PPP1R35: variants seen among roughly 807,000 people sequenced by gnomAD.
PPP1R35 encodes protein phosphatase 1 regulatory subunit 35.
Under a neutral mutation model 22.2 loss-of-function variants are expected in PPP1R35, and 23 were observed. The observed-to-expected ratio is 1.04, with a 90% CI of 0.75 to 1.47. The LOEUF is 1.47. Among genes scored for constraint, PPP1R35 ranks in the 40% most tolerant of loss-of-function variants. The pLI is 0.00. For missense variants in PPP1R35, 409 were observed against 349.6 expected, an observed-to-expected ratio of 1.17 and a Z score of -1.36; for synonymous variants, 198 against 165.7, an observed-to-expected ratio of 1.19 and a Z score of -1.50.
chr7:100,435,427 TGAAGTC>T lies in PPP1R35; in HGVS notation c.689_694del (p.Arg230_Leu231del), dbSNP rs776667885. On this transcript the variant is annotated inframe_deletion, in exon 4 of 4. Transcript: ENST00000292330. ...GTCCTCTGAAGGGCGGGGCCGGAGT[TGAAGTC>T]GGAGAGGGGGCAGACCGTCCAGGGT... 9 of 1,612,310 alleles carry T rather than the reference TGAAGTC, an allele frequency of 5.6e-6. No homozygotes were observed. Among genetic ancestry groups the T allele is most frequent in the South Asian group, 3.3e-5 (3 of 90,986 alleles).
Position 100,435,877 on chromosome 7 carries a change from C to G in PPP1R35, c.422G>C (p.Arg141Pro), listed in dbSNP as rs762880574. The G allele has an allele frequency of 1.2e-4, 194 of 1,597,266 alleles. No homozygotes were observed. Among genetic ancestry groups the G allele is most frequent in the Non-Finnish European group, 1.6e-4 (188 of 1,176,630 alleles). The change falls in exon 2 of 4, where the codon CGC becomes CCC. Residue 141 changes from arginine (R) to proline (P), a missense_variant. By Grantham distance (103) the Arg-to-Pro change is moderately radical. Transcript: ENST00000292330. Reference sequence around the variant, plus strand: ...GGACACGCTCTCCTCCAGGCCGCAGCGGATCTGGAACGACTTTCTCAGCTG... The same window carrying G: ...GGACACGCTCTCCTCCAGGCCGCAGGGGATCTGGAACGACTTTCTCAGCTG... The part of the protein sequence containing the change: ...EEQLRKSFQI[R>P]CGLEESVSEG...
chr7:100,436,105 G>A (rs1321759102), intron 1 of PPP1R35, 36 bp downstream of exon 1: 3 of 1,430,510 alleles, frequency 2.1e-6, no homozygotes, highest in Admixed American at 2.7e-5. Context: ...TGGGCGCGAG[G>A]CCGTCGCGGG....
In PPP1R35 at chr7:100,436,410, G is replaced by C. The variant is rs1290981434; in HGVS notation, c.-36C>G. 1.4e-6 allele frequency: 2 copies of C among 1,444,774 alleles called. No individual in the cohort carries two copies. The highest frequency in any genetic ancestry group is 2.9e-5 in the African/African-American group (2 of 68,240). The allele number at this position is 1,444,774 out of a possible 1,614,324, so 89.5% of individuals were successfully genotyped here. On this transcript the variant is annotated 5_prime_UTR_variant, in exon 1 of 4. Coordinates refer to ENST00000292330, the MANE Select transcript of PPP1R35 (RefSeq NM_145030.4). ...GCCTTGAGGGTGCGGGGATGCGGGG[G>C]TCGCAGACGCTCCAACGGTCAGGGG...
chr7:100,435,975 G>A lies in PPP1R35; in HGVS notation c.324C>T (p.Ser108=). ...PQELEMPVLK[S]SLALGLELRA... is the part of the protein sequence containing the mutation. ...GCAGCTCCAGGCCCAAGGCCAGGCTGCTCTTCAGCACGGGCATCTCCAGCT... is the reference window on the plus strand; with the variant it reads ...GCAGCTCCAGGCCCAAGGCCAGGCTACTCTTCAGCACGGGCATCTCCAGCT... The change falls in exon 2 of 4, where the codon AGC becomes AGT. Residue 108 remains serine, a synonymous_variant. Coordinates refer to ENST00000292330, the MANE Select transcript of PPP1R35 (RefSeq NM_145030.4). 4 of 1,574,906 alleles carry A rather than the reference G, an allele frequency of 2.5e-6. No individual in the cohort carries two copies. Among genetic ancestry groups the A allele is most frequent in the African/African-American group, 1.3e-5 (1 of 74,458 alleles).
In PPP1R35 at chr7:100,435,673, T is replaced by C. The variant is rs766840122; in HGVS notation, c.546A>G (p.Lys182=). 10 of 1,610,864 alleles carry C rather than the reference T, an allele frequency of 6.2e-6. No individual in the cohort carries two copies. Among genetic ancestry groups the C allele is most frequent in the East Asian group, 4.5e-5 (2 of 44,802 alleles). The change falls in exon 3 of 4, where the codon AAA becomes AAG. Residue 182 remains lysine, a synonymous_variant. Transcript: ENST00000292330. ...EQVLNAALRE[K]LALLPPQARA... is the part of the protein sequence containing the mutation. ...GAGCCTGTGGCGGCAGGAGAGCCAA[T>C]TTCTCCCTGAGCGCGGCATTCAGAA... is the stretch of plus-strand genomic sequence containing the variant.
rs531420542 is a variant in PPP1R35 at position 100,435,862 on chromosome 7, T to C, written c.437A>G (p.Glu146Gly). Residue 146 changes from glutamate (E) to glycine (G), a missense_variant, in exon 2 of 4, where the codon GAG (glutamate) becomes GGG (glycine). Transcript: ENST00000292330. ...GCCCCCCTCACCCTCGGACACGCTC[T>C]CCTCCAGGCCGCAGCGGATCTGGAA... ...KSFQIRCGLE[E>G]SVSEGLNVPR... is the part of the protein sequence containing the mutation. The C allele has an allele frequency of 6.3e-6, 10 of 1,592,856 alleles. No homozygotes were observed. The South Asian group carries it at 9.0e-5, about 14-fold the overall frequency.
At chr7:100,435,605 G>A in intron 3 of PPP1R35, 26 bp downstream of exon 3, 1 of 1,613,906 alleles carries the variant, frequency 6.2e-7, no homozygotes, top group Non-Finnish European at 8.5e-7. Context: ...GTACATGGAG[G>A]AAGCCCCACG....
Position 100,436,241 on chromosome 7 carries a change from C to T in PPP1R35, c.134G>A (p.Ser45Asn). 1 of 1,300,034 alleles carries T rather than the reference C, an allele frequency of 7.7e-7. No individual in the cohort carries two copies. Among genetic ancestry groups the T allele is most frequent in the Non-Finnish European group, 9.8e-7 (1 of 1,020,462 alleles). 80.5% of individuals were successfully genotyped at this position (1,300,034 alleles called of 1,614,324 possible). A position where few individuals can be genotyped will look rare whatever the true frequency, so the allele number is the denominator to read the frequency against. Residue 45 changes from serine to asparagine, a missense_variant, in exon 1 of 4, where the codon AGC (serine) becomes AAC (asparagine). Ser to Asn is a conservative substitution (Grantham distance 46). Transcript: ENST00000292330. ...APVPEPGLDLSLSPRPDSPQP... is the reference protein window; with the variant it reads ...APVPEPGLDLNLSPRPDSPQP... The stretch of plus-strand genomic sequence containing the variant: ...AGGGCTGTCGGGCCGCGGGCTCAGG[C>T]TCAAGTCCAGGCCGGGCTCGGGCAC...
In PPP1R35 at chr7:100,435,734, CG is replaced by C. The variant is rs756499983; in HGVS notation, c.484del (p.Arg162GlyfsTer4). On this transcript the variant is annotated frameshift_variant, in exon 3 of 4. Coordinates refer to ENST00000292330, the MANE Select transcript of PPP1R35 (RefSeq NM_145030.4). LOFTEE classifies it high-confidence loss of function. ...LNVPRSKRLFRDLVSLQVPEE... is the reference protein window; with the variant it reads ...LNVPRSKRLFXDLVSLQVPEE... ...CGGCACCTGCAGGCTCACCAGGTCC[CG>C]GAAGAGCCGCTTGGAGCGCGGCACG... 28 of 1,601,770 alleles carry C rather than the reference CG, an allele frequency of 1.7e-5. No individual in the cohort carries two copies. Among genetic ancestry groups the C allele is most frequent in the Non-Finnish European group, 2.2e-5 (26 of 1,177,136 alleles).
rs780973260 is a variant in PPP1R35, at chr7:100,435,847, C to T, written c.451+1G>A. On this transcript the variant is annotated splice_donor_variant, in intron 2 of 3. Coordinates refer to ENST00000292330, the MANE Select transcript of PPP1R35 (RefSeq NM_145030.4). LOFTEE classifies it high-confidence loss of function. ...CGCGGCCGGCCGCCCGCCCCCCTCA[C>T]CCTCGGACACGCTCTCCTCCAGGCC... 1 of 1,588,174 alleles carries T rather than the reference C, an allele frequency of 6.3e-7. No homozygotes were observed. Among genetic ancestry groups the T allele is most frequent in the Middle Eastern group, 1.8e-4 (1 of 5,648 alleles).
Position 100,435,309 on chromosome 7 carries a change from CAAAT to C in PPP1R35, c.*47_*50del, listed in dbSNP as rs774287547. On this transcript the variant is annotated 3_prime_UTR_variant, in exon 4 of 4. Transcript: ENST00000292330. The stretch of plus-strand genomic sequence containing the variant: ...TATTAGCAAAATTACTTTATTCTAA[CAAAT>C]AGTTTAACACAAAAATACGAACTAG... 5.2e-6 allele frequency: 8 copies of C among 1,535,634 alleles called. No homozygotes were observed. Among genetic ancestry groups the C allele is most frequent in the African/African-American group, 1.4e-5 (1 of 71,698 alleles).
Position 100,435,474 on chromosome 7 carries a change from A to T in PPP1R35, c.648T>A (p.Tyr216Ter). 6.2e-7 allele frequency: 1 copy of T among 1,613,994 alleles called. No individual in the cohort carries two copies. Among genetic ancestry groups the T allele is most frequent in the Non-Finnish European group, 8.5e-7 (1 of 1,180,002 alleles). The change falls in exon 4 of 4, where the codon TAT (tyrosine) becomes TAA (stop). Residue 216 changes from tyrosine to a stop codon, truncating the protein, a stop_gained. Coordinates refer to ENST00000292330, the MANE Select transcript of PPP1R35 (RefSeq NM_145030.4). LOFTEE classifies it high-confidence loss of function. The stretch of plus-strand genomic sequence containing the variant: ...CGTCCAGGGTCAGGTGTGGAGATTC[A>T]TAAAATAGCGTTTCTGGGTCACACA... ...TILCDPETLFYESPHLTLDGL... is the reference protein window; with the variant it reads ...TILCDPETLF
Position 100,436,416 on chromosome 7 carries a change from G to A in PPP1R35, c.-42C>T, listed in dbSNP as rs920770877. 7 of 1,428,496 alleles carry A rather than the reference G, an allele frequency of 4.9e-6. No individual in the cohort carries two copies. The highest frequency in any genetic ancestry group is 6.6e-6 in the Non-Finnish European group (7 of 1,068,186). 88.5% of individuals were successfully genotyped at this position (1,428,496 alleles called of 1,614,324 possible). ...AGGGTGCGGGGATGCGGGGGTCGCAGACGCTCCAACGGTCAGGGGACACAG... is the reference window on the plus strand; with the variant it reads ...AGGGTGCGGGGATGCGGGGGTCGCAAACGCTCCAACGGTCAGGGGACACAG... On this transcript the variant is annotated 5_prime_UTR_variant, in exon 1 of 4. Coordinates refer to ENST00000292330, the MANE Select transcript of PPP1R35 (RefSeq NM_145030.4).
At chr7:100,436,116 C>A in intron 1 of PPP1R35, 25 bp downstream of exon 1, 1 of 1,409,642 alleles carries the variant, frequency 7.1e-7, no homozygotes, top group Non-Finnish European at 9.2e-7. Context: ...CCGTCGCGGG[C>A]CGGGGGCCAG....
chr7:100,435,849 C>G lies in PPP1R35; in HGVS notation c.450G>C (p.Glu150Asp), dbSNP rs889262390. Reference sequence around the variant, plus strand: ...CGGCCGGCCGCCCGCCCCCCTCACCCTCGGACACGCTCTCCTCCAGGCCGC... The same window carrying G: ...CGGCCGGCCGCCCGCCCCCCTCACCGTCGGACACGCTCTCCTCCAGGCCGC... ...IRCGLEESVSEGLNVPRSKRL... is the reference protein window; with the variant it reads ...IRCGLEESVSDGLNVPRSKRL... The change falls in exon 2 of 4, where the codon GAG (glutamate) becomes GAC (aspartate). Residue 150 changes from glutamate to aspartate, a missense_variant and splice_region_variant. Coordinates refer to ENST00000292330, the MANE Select transcript of PPP1R35 (RefSeq NM_145030.4). The G allele has an allele frequency of 4.4e-6, 7 of 1,588,458 alleles. No homozygotes were observed. The African/African-American group carries it at 6.7e-5, about 15-fold the overall frequency.
chr7:100,435,844 T>TCA lies in PPP1R35; in HGVS notation c.451+2_451+3dup. On this transcript the variant is annotated splice_donor_region_variant and intron_variant, in intron 2 of 3. Coordinates refer to ENST00000292330, the MANE Select transcript of PPP1R35 (RefSeq NM_145030.4). ...GCACGCGGCCGGCCGCCCGCCCCCC[T>TCA]CACCCTCGGACACGCTCTCCTCCAG... 1 of 1,585,684 alleles carries TCA rather than the reference T, an allele frequency of 6.3e-7. No homozygotes were observed. Among genetic ancestry groups the TCA allele is most frequent in the Non-Finnish European group, 8.5e-7 (1 of 1,171,832 alleles).
Position 100,436,167 on chromosome 7 carries a change from G to C in PPP1R35, c.208C>G (p.Arg70Gly). The C allele has an allele frequency of 8.1e-7, 1 of 1,236,970 alleles. No individual in the cohort carries two copies. Among genetic ancestry groups the C allele is most frequent in the Non-Finnish European group, 1.0e-6 (1 of 994,298 alleles). The allele number at this position is 1,236,970 out of a possible 1,614,324, so 76.6% of individuals were successfully genotyped here. ...TGCCGCCGCTGCCGAGCCGCGCCCC[G>C]CCGCTCCGCCCGCCCCTTCCGCCGC... ...PGRRKGRAERRGAARQRRQVR... is the reference protein window; with the variant it reads ...PGRRKGRAERGGAARQRRQVR... The change falls in exon 1 of 4, where the codon CGG (arginine) becomes GGG (glycine). Residue 70 changes from arginine (R) to glycine (G), a missense_variant. Physicochemically the swap from Arg to Gly is moderately radical, Grantham distance 125 (BLOSUM62 -2). Transcript: ENST00000292330.
Position 100,435,357 on chromosome 7 carries a change from G to A in PPP1R35, c.*3C>T. On this transcript the variant is annotated 3_prime_UTR_variant, in exon 4 of 4. Transcript: ENST00000292330. ...GAACTAGCCCTCCAGGGATCTTTGG[G>A]GTCTACGCTTCCCATCGCCTCAGTG... is the stretch of plus-strand genomic sequence containing the variant. 1.3e-6 allele frequency: 2 copies of A among 1,590,562 alleles called. No individual in the cohort carries two copies. The highest frequency in any genetic ancestry group is 1.7e-6 in the Non-Finnish European group (2 of 1,171,810).
Position 100,435,732 on chromosome 7 carries a change from C to T in PPP1R35, c.487G>A (p.Asp163Asn). The T allele has an allele frequency of 1.9e-6, 3 of 1,602,018 alleles. No individual in the cohort carries two copies. The highest frequency in any genetic ancestry group is 1.7e-6 in the Non-Finnish European group (2 of 1,177,140). The change falls in exon 3 of 4, where the codon GAC becomes AAC. Residue 163 changes from aspartate to asparagine, a missense_variant. By Grantham distance (23) the Asp-to-Asn change is conservative (BLOSUM62 1). Transcript: ENST00000292330. ...NVPRSKRLFR[D>N]LVSLQVPEEQ... ...TCCGGCACCTGCAGGCTCACCAGGT[C>T]CCGGAAGAGCCGCTTGGAGCGCGGC...
Sources: allele counts gnomAD v4.1 joint callset, GRCh38; gene constraint gnomAD v4.1.1; transcripts MANE v1.5; gene names NCBI Gene and HGNC (gene_info 2026-07-23, HGNC 2026-07-21).